The following CTNNA3 variants were observed in gnomAD, a reference collection of about 807,000 sequenced individuals.
CTNNA3 encodes catenin alpha-3.
CTNNA3 carries 76 observed loss-of-function variants against 95.7 expected under a neutral mutation model. The ratio of observed to expected loss-of-function variants is 0.79; its 90% CI spans 0.66 to 0.96. The LOEUF is 0.96. Ranked by LOEUF, CTNNA3 falls within the 40% of genes least tolerant of loss-of-function variation. The pLI, the probability that CTNNA3 is intolerant of heterozygous loss-of-function variation, is 0.00. For missense variants in CTNNA3, 1,191 were observed against 1,089.8 expected, an observed-to-expected ratio of 1.09 and a Z score of -1.31; for synonymous variants, 431 against 374.4, an observed-to-expected ratio of 1.15 and a Z score of -1.74.
chr10:66,536,014 T>C (rs1841639784), intron 10 of CTNNA3, among the ~76,000 whole-genome samples: 1 of 152,044 alleles, frequency 6.6e-6, no homozygotes, highest in African/African-American at 2.4e-5. Context: ...TATGTTGAGA[T>C]ACACAGATAT....
At chr10:66,541,542 A>T (rs910508815) in intron 10 of CTNNA3, among the ~76,000 whole-genome samples, 1 of 152,154 alleles carries the variant, frequency 6.6e-6, no homozygotes, top group Non-Finnish European at 1.5e-5. Flanking sequence ...TTACTAATCT[A>T]TTAAAGGATT....
At chr10:67,699,962 G>T (rs1274403379), upstream of CTNNA3, among the ~76,000 whole-genome samples, 4 of 152,208 alleles carry the variant, frequency 2.6e-5, no homozygotes, top group Non-Finnish European at 5.9e-5. Flanking sequence ...CAGCGCACCA[G>T]GAGATTATAT....
At chr10:66,529,439 G>GTTTTTTTTTTTTTTTTT (rs201667838) in intron 10 of CTNNA3, among the ~76,000 whole-genome samples, 1 of 50,596 alleles carries the variant, frequency 2.0e-5, no homozygotes, top group Non-Finnish European at 4.6e-5. Flanking sequence ...GCCAAACAGT[G>GTTTTTTTTTTTTTTTTT]TTTTTTTTTT....
At chr10:66,381,059 G>T (rs1227553259) in intron 11 of CTNNA3, among the ~76,000 whole-genome samples, 1 of 152,100 alleles carries the variant, frequency 6.6e-6, no homozygotes, top group African/African-American at 2.4e-5. Context: ...AGACCTAAGA[G>T]ACATAATTTT....
At chr10:66,544,657 C>T (rs187164127) in intron 10 of CTNNA3, among the ~76,000 whole-genome samples, 25 of 152,164 alleles carry the variant, frequency 1.6e-4, no homozygotes, top group Non-Finnish European at 3.1e-4. Flanking sequence ...GTTACCACCT[C>T]AGGAAAAATG....
intron 7 of CTNNA3, among the ~76,000 whole-genome samples, chr10:67,094,448 T>C (rs1170654090): frequency 6.6e-6 from 1 of 151,814 alleles, no homozygotes; most frequent in Admixed American, 6.6e-5. Flanking sequence ...ATCTAGTAAA[T>C]TATTATTTAT....
At chr10:67,071,026 G>T (rs1252251908) in intron 7 of CTNNA3, among the ~76,000 whole-genome samples, 1 of 152,082 alleles carries the variant, frequency 6.6e-6, no homozygotes, top group Non-Finnish European at 1.5e-5. Flanking sequence ...TATCTTCCCA[G>T]AATTGCTAAA....
rs59893532 is a variant in CTNNA3 at position 67,659,875 on chromosome 10, G to T, written c.-5-12357C>A. 0.034 allele frequency among the ~76,000 whole-genome samples: 5,158 copies of T among 152,242 alleles called. 613 individuals are homozygous for T. The East Asian group carries it at 0.43, about 13-fold the overall frequency. Reference sequence around the variant, plus strand: ...CAGAGAACAAAAAGAGAATGGCAAAGGTAGTAGAATTCTCATCAACCTCAA... The same window carrying T: ...CAGAGAACAAAAAGAGAATGGCAAATGTAGTAGAATTCTCATCAACCTCAA... On this transcript the variant is annotated intron_variant, in intron 1 of 17. Transcript: ENST00000433211.
chr10:66,956,532 A>G (rs913314598), intron 7 of CTNNA3, among the ~76,000 whole-genome samples: 9 of 152,148 alleles, frequency 5.9e-5, no homozygotes, highest in African/African-American at 2.2e-4. Flanking sequence ...AGCAAGGAGG[A>G]GGCAAGCTTT....
chr10:66,756,167 T>C (rs1183491706), intron 9 of CTNNA3, among the ~76,000 whole-genome samples: 2 of 152,064 alleles, frequency 1.3e-5, no homozygotes, highest in East Asian at 1.9e-4. Flanking sequence ...ACTAGACCAA[T>C]AGCTGGAATA....
At chr10:66,047,479 T>A (rs2079852967) in intron 15 of CTNNA3, among the ~76,000 whole-genome samples, 1 of 152,170 alleles carries the variant, frequency 6.6e-6, no homozygotes. Context: ...GGAACCTACC[T>A]CAAAATAATA....
intron 15 of CTNNA3, among the ~76,000 whole-genome samples, chr10:65,998,219 C>T (rs1404903696): frequency 2.0e-5 from 3 of 152,080 alleles, no homozygotes; most frequent in Admixed American, 2.0e-4. Context: ...GATACAAGAA[C>T]AGCATTTCTG....
chr10:67,333,895 G>A (rs925942540), intron 5 of CTNNA3, among the ~76,000 whole-genome samples: 1 of 152,118 alleles, frequency 6.6e-6, no homozygotes, highest in Non-Finnish European at 1.5e-5. Flanking sequence ...AGGATTATGA[G>A]GCTGATTCTG....
chr10:67,624,460 A>G (rs769068257), intron 2 of CTNNA3, among the ~76,000 whole-genome samples: 16 of 152,052 alleles, frequency 1.1e-4, no homozygotes, highest in South Asian at 2.1e-4. Flanking sequence ...CCCCTCCTCT[A>G]TGAAAAAGGG....
At chr10:67,723,128 AGACACGCGC>A (rs1466633208) in intron 1 of CTNNA3, among the ~76,000 whole-genome samples, 1 of 151,758 alleles carries the variant, frequency 6.6e-6, no homozygotes, top group Non-Finnish European at 1.5e-5. Flanking sequence ...CTGGGACTAC[AGACACGCGC>A]CACCACACCT....
chr10:67,269,296 A>G lies in CTNNA3; in HGVS notation c.580-49426T>C, dbSNP rs150014711. On this transcript the variant is annotated intron_variant, in intron 5 of 17. Transcript: ENST00000433211. The stretch of plus-strand genomic sequence containing the variant: ...AATTAGTCCAGAAATGTATATGAGA[A>G]GGATTAAAAGGGAAAGGATGAAAGC... Among the ~76,000 whole-genome samples the G allele has an allele frequency of 4.7e-3, 716 of 152,332 alleles. 7 individuals are homozygous for G. Among genetic ancestry groups the G allele is most frequent in the African/African-American group, 0.016 (678 of 41,586 alleles).
At chr10:67,755,948 TAAAGAA>T (rs1349377861) in intron 1 of CTNNA3, among the ~76,000 whole-genome samples, 1 of 151,494 alleles carries the variant, frequency 6.6e-6, no homozygotes, top group Non-Finnish European at 1.5e-5. Flanking sequence ...GAAGAATGGA[TAAAGAA>T]AAAGTGGTAT....
At chr10:67,741,187 A>G (rs1841335657) in intron 1 of CTNNA3, among the ~76,000 whole-genome samples, 1 of 150,942 alleles carries the variant, frequency 6.6e-6, no homozygotes, top group Admixed American at 6.6e-5. Flanking sequence ...GAGAGATAGC[A>G]TTGGGAGATA....
In CTNNA3 at chr10:66,533,808, C is replaced by T. The variant is rs140712135; in HGVS notation, c.1375-13035G>A. On this transcript the variant is annotated intron_variant, in intron 10 of 17. Coordinates refer to ENST00000433211, the MANE Select transcript of CTNNA3 (RefSeq NM_013266.4). ...CTATATGGTCAGGTATGGAGGTTCA[C>T]GCCTATAATCCTAGTGCTTTGGGAG... Among the ~76,000 whole-genome samples, 34 of 152,150 alleles carry T rather than the reference C, an allele frequency of 2.2e-4. 1 individual carries two copies. In the East Asian group the frequency reaches 5.4e-3, roughly 24 times the overall value.
Sources: gnomAD v4.1 joint callset for allele counts (sites outside exome capture counted in the v4.1 genomes callset) on GRCh38, gnomAD v4.1.1 for gene constraint, MANE v1.5 for transcripts, NCBI Gene and HGNC (gene_info 2026-07-23, HGNC 2026-07-21) for gene names.